Variants in KMT2C observed in about 807,000 individuals in gnomAD.
The protein encoded by KMT2C is histone-lysine N-methyltransferase 2C.
Under a neutral mutation model 507.9 loss-of-function variants are expected in KMT2C, and 88 were observed. The observed-to-expected ratio is 0.17, with a 90% CI of 0.15 to 0.21. The LOEUF (loss-of-function observed/expected upper bound fraction) is 0.21. Ranked by LOEUF, KMT2C falls within the 10% of genes least tolerant of loss-of-function variation. The probability of loss-of-function intolerance (pLI) is 1.00; values close to 1 mark genes in which losing one functional copy is unlikely to be tolerated. For missense variants in KMT2C, 4,954 were observed against 5,957.8 expected (o/e 0.83, Z 5.55); for synonymous variants, 2,049 against 2,080.8 (o/e 0.98, Z 0.42).
At chr7:152,348,620 A>G (rs886570163) in intron 2 of KMT2C, among the ~76,000 whole-genome samples, 7 of 147,462 alleles carry the variant, frequency 4.7e-5, no homozygotes, top group South Asian at 2.1e-4. Flanking sequence ...AAAAAAAAAA[A>G]AAAAGAAAGA....
At chr7:152,182,938 C>T (rs759861295) in intron 35 of KMT2C, 36 bp downstream of exon 35, 2 of 1,484,198 alleles carry the variant, frequency 1.3e-6, no homozygotes, top group East Asian at 4.7e-5. Context: ...AACAAAAATG[C>T]AACTTCAAAA....
intron 1 of KMT2C, among the ~76,000 whole-genome samples, chr7:152,401,991 T>C (rs1450476986): frequency 6.6e-6 from 1 of 152,298 alleles, no homozygotes; most frequent in Non-Finnish European, 1.5e-5. Context: ...CTGCCTGTAA[T>C]CCTAGCTACT....
At chr7:152,434,351 T>C (rs561779234) in intron 1 of KMT2C, among the ~76,000 whole-genome samples, 1 of 152,326 alleles carries the variant, frequency 6.6e-6, no homozygotes. Context: ...ATCATTTTCA[T>C]AGTAAAAGGA....
chr7:152,362,390 T>G (rs933682007), intron 1 of KMT2C, among the ~76,000 whole-genome samples: 3 of 152,190 alleles, frequency 2.0e-5, no homozygotes, highest in Non-Finnish European at 1.5e-5. Flanking sequence ...TCTAAGAATT[T>G]TTTTTTAATA....
intron 16 of KMT2C, among the ~76,000 whole-genome samples, chr7:152,232,831 T>C (rs2095161461): frequency 1.3e-5 from 2 of 152,184 alleles, no homozygotes; most frequent in South Asian, 2.1e-4. Context: ...GAACTAATGA[T>C]GCATTGACAA....
At position 152,174,188 on chromosome 7, in the gene KMT2C, C is replaced by A. The variant is rs779830113; in HGVS notation, c.9317G>T (p.Gly3106Val). Residue 3106 changes from glycine to valine, a missense_variant, in exon 39 of 59, where the codon GGT (glycine) becomes GTT (valine). By Grantham distance (109) the Gly-to-Val change is moderately radical. Transcript: ENST00000262189. ...IMKAKMVALK[G>V]INKVMAQNNL... ...GTTTTGTGCCATCACTTTATTTATACCTTTAAGGGCCACCATTTTGGCTTT... is the reference window on the plus strand; with the variant it reads ...GTTTTGTGCCATCACTTTATTTATAACTTTAAGGGCCACCATTTTGGCTTT... 6.2e-7 allele frequency: 1 copy of A among 1,610,050 alleles called. No individual in the cohort carries two copies. Among genetic ancestry groups the A allele is most frequent in the Non-Finnish European group, 8.5e-7 (1 of 1,177,856 alleles).
chr7:152,325,328 T>C (rs996888056), intron 3 of KMT2C, among the ~76,000 whole-genome samples: 38 of 152,020 alleles, frequency 2.5e-4, no homozygotes, highest in Non-Finnish European at 1.5e-5. Flanking sequence ...TTTGTATTTT[T>C]AGTAGAGATG....
At chr7:152,160,702 T>C (rs1375316378) in intron 43 of KMT2C, among the ~76,000 whole-genome samples, 1 of 149,470 alleles carries the variant, frequency 6.7e-6, no homozygotes, top group Admixed American at 6.7e-5. Flanking sequence ...TATATATTTA[T>C]TTAAATCACA....
intron 1 of KMT2C, among the ~76,000 whole-genome samples, chr7:152,369,063 C>G (rs2129239763): frequency 6.6e-6 from 1 of 152,136 alleles, no homozygotes; most frequent in Middle Eastern, 3.4e-3. Context: ...TGGCTCACAC[C>G]TGTAATCCCA....
chr7:152,409,563 C>CAA (rs367688749), intron 1 of KMT2C, among the ~76,000 whole-genome samples: 1,349 of 98,644 alleles, frequency 0.014, 19 homozygotes, highest in African/African-American at 0.042. Context: ...GCTAAAAATA[C>CAA]AAAAAAAAAA....
chr7:152,214,016 T>C (rs1260937515), intron 23 of KMT2C, among the ~76,000 whole-genome samples: 3 of 152,084 alleles, frequency 2.0e-5, no homozygotes, highest in Non-Finnish European at 2.9e-5. Flanking sequence ...AAAACCACAA[T>C]AGATATCATC....
intron 6 of KMT2C, among the ~76,000 whole-genome samples, chr7:152,305,866 G>A (rs1278983217): frequency 1.3e-5 from 2 of 152,074 alleles, no homozygotes; most frequent in African/African-American, 2.4e-5. Context: ...ACTTCTCAAG[G>A]AGCCCTGGTT....
intron 1 of KMT2C, among the ~76,000 whole-genome samples, chr7:152,410,735 G>A (rs62494143): frequency 8.3e-3 from 1,058 of 126,840 alleles, no homozygotes; most frequent in East Asian, 0.016. Context: ...AGTGACTCAC[G>A]CCTATAATCC....
chr7:152,250,763 G>A (rs2095550490), intron 12 of KMT2C, 90 bp downstream of exon 12: 1 of 713,180 alleles, frequency 1.4e-6, no homozygotes, highest in Non-Finnish European at 2.4e-6. Flanking sequence ...CTGCATCTTG[G>A]CTTTTACTGA....
At chr7:152,252,174 A>G (rs1264383125) in intron 10 of KMT2C, 84 bp from the exon 11 acceptor site, 23 of 968,550 alleles carry the variant, frequency 2.4e-5, no homozygotes, top group Admixed American at 2.7e-5. Context: ...GAAAAGCTGG[A>G]TATGAAAACA....
intron 6 of KMT2C, among the ~76,000 whole-genome samples, chr7:152,277,827 G>A (rs2096113112): frequency 1.3e-5 from 2 of 152,106 alleles, no homozygotes; most frequent in East Asian, 1.9e-4. Flanking sequence ...AAATTTTAAT[G>A]TCTGTTAAGC....
At chr7:152,250,272 T>C (rs1198323729) in intron 12 of KMT2C, among the ~76,000 whole-genome samples, 1 of 152,164 alleles carries the variant, frequency 6.6e-6, no homozygotes, top group East Asian at 1.9e-4. Context: ...TTTTTATGTA[T>C]ACATTATAAT....
intron 35 of KMT2C, 103 bp from the exon 36 acceptor site, chr7:152,182,697 G>T: frequency 9.7e-7 from 1 of 1,034,958 alleles, no homozygotes; most frequent in Non-Finnish European, 1.4e-6. Context: ...TGATGTCAGC[G>T]CTACCAGATT....
intron 23 of KMT2C, among the ~76,000 whole-genome samples, chr7:152,219,848 CA>C (rs1367110836): frequency 6.6e-6 from 1 of 151,784 alleles, no homozygotes; most frequent in African/African-American, 2.4e-5. Flanking sequence ...CAAAAAAATA[CA>C]AAAATTAGCC....
Sources: gnomAD v4.1 joint callset for allele counts (sites outside exome capture counted in the v4.1 genomes callset) on GRCh38, gnomAD v4.1.1 for gene constraint, MANE v1.5 for transcripts, NCBI Gene and HGNC (gene_info 2026-07-23, HGNC 2026-07-21) for gene names.